CCAR2: variants seen among roughly 807,000 people sequenced by gnomAD.
The protein encoded by CCAR2 is cell cycle and apoptosis regulator protein 2.
Under a neutral mutation model 108.1 loss-of-function variants are expected in CCAR2, and 21 were observed. The ratio of observed to expected loss-of-function variants is 0.19; its 90% CI spans 0.14 to 0.28. The LOEUF is 0.28. Ranked by LOEUF, CCAR2 falls within the 10% of genes least tolerant of loss-of-function variation. The probability of loss-of-function intolerance (pLI) is 1.00; values close to 1 mark genes in which losing one functional copy is unlikely to be tolerated. For synonymous variants in CCAR2, 577 were observed against 472.8 expected, an observed-to-expected ratio of 1.22 and a Z score of -2.86; for missense variants, 1,126 against 1,177.0, an observed-to-expected ratio of 0.96 and a Z score of 0.63.
chr8:22,617,922 G>T, intron 16 of CCAR2, 144 bp downstream of exon 16: 1 of 798,012 alleles, frequency 1.3e-6, no homozygotes. Context: ...GCTCATGGAA[G>T]GGCACGTTCA....
chr8:22,605,929 TC>T, intron 2 of CCAR2, 98 bp downstream of exon 2: 1 of 1,363,406 alleles, frequency 7.3e-7, no homozygotes. Context: ...CTGCTGATGT[TC>T]CTCTGGAAAG....
chr8:22,610,114 C>G (rs1382109224), intron 7 of CCAR2, among the ~76,000 whole-genome samples: 1 of 152,146 alleles, frequency 6.6e-6, no homozygotes, highest in Admixed American at 6.5e-5. Context: ...ATAAGGGATA[C>G]TCAACCTATA....
rs200375043 is a variant in CCAR2, at chr8:22,618,510, C to T, written c.2220+15C>T. On this transcript the variant is annotated intron_variant, in intron 17 of 20. Coordinates refer to ENST00000308511, the MANE Select transcript of CCAR2 (RefSeq NM_001393997.1). ...GTGCAGAGCAGGTACCTTCTTTCCT[C>T]TGCCCCAGCACATGGGCACAGGCCT... 2.5e-6 allele frequency: 4 copies of T among 1,614,080 alleles called. No homozygotes were observed. The highest frequency in any genetic ancestry group is 2.5e-6 in the Non-Finnish European group (3 of 1,180,048).
intron 1 of CCAR2, chr8:22,605,241 C>CT: frequency 5.7e-6 from 1 of 176,522 alleles, no homozygotes; most frequent in Non-Finnish European, 1.2e-5. Flanking sequence ...AGGGCCCACA[C>CT]AGTCTCCTCG....
At chr8:22,615,083 T>C in intron 11 of CCAR2, 82 bp downstream of exon 11, 1 of 1,433,114 alleles carries the variant, frequency 7.0e-7, no homozygotes. Context: ...CCCTGCCCCT[T>C]TCTGCTGGTT....
chr8:22,619,512 G>A (rs1801671104), intron 20 of CCAR2, 126 bp from the exon 21 acceptor site: 2 of 1,412,338 alleles, frequency 1.4e-6, no homozygotes, highest in South Asian at 2.5e-5. Flanking sequence ...CTGGTTGCAG[G>A]TTCTCTGGGA....
chr8:22,620,305 C>G lies in CCAR2; in HGVS notation c.*623C>G, dbSNP rs925889132. Reference sequence around the variant, plus strand: ...AACCAGCACCTCTTTCCCGTGGCTCCTGTGTTCAGAATGTGGTATTGGCTC... The same window carrying G: ...AACCAGCACCTCTTTCCCGTGGCTCGTGTGTTCAGAATGTGGTATTGGCTC... On this transcript the variant is annotated 3_prime_UTR_variant, in exon 21 of 21. Coordinates refer to ENST00000308511, the MANE Select transcript of CCAR2 (RefSeq NM_001393997.1). The G allele has an allele frequency of 1.3e-5, 2 of 152,842 alleles. No homozygotes were observed. Among genetic ancestry groups the G allele is most frequent in the African/African-American group, 4.8e-5 (2 of 41,428 alleles). The allele number at this position is 152,842 out of a possible 1,614,324, so 9.5% of individuals were successfully genotyped here.
Position 22,606,066 on chromosome 8 carries a change from T to G in CCAR2, c.59-19T>G. ...GGTGGTAGGGGCGGTTCCTGGAGAT[T>G]GCTTCTCTTTCCCCATAGGCACAGC... On this transcript the variant is annotated intron_variant, in intron 2 of 20. Transcript: ENST00000308511. The G allele has an allele frequency of 3.1e-6, 5 of 1,605,118 alleles. No individual in the cohort carries two copies. The highest frequency in any genetic ancestry group is 4.3e-6 in the Non-Finnish European group (5 of 1,171,856).
chr8:22,605,619 T>C (rs866021785), intron 1 of CCAR2, 117 bp from the exon 2 acceptor site: 2 of 649,376 alleles, frequency 3.1e-6, no homozygotes, highest in African/African-American at 3.6e-5. Flanking sequence ...CTTTCATTCA[T>C]TCTTATTACC....
chr8:22,613,943 C>T (rs1801394288), intron 8 of CCAR2, 149 bp from the exon 9 acceptor site: 5 of 644,176 alleles, frequency 7.8e-6, no homozygotes, highest in Admixed American at 2.9e-5. Flanking sequence ...ATTAAGTGGT[C>T]AGATCTGATC....
chr8:22,614,018 TCAAA>T, intron 8 of CCAR2, 70 bp from the exon 9 acceptor site: 4 of 1,427,532 alleles, frequency 2.8e-6, no homozygotes, highest in Admixed American at 2.0e-5. Context: ...GCCCATTTTT[TCAAA>T]TCTTTGATGG....
intron 7 of CCAR2, among the ~76,000 whole-genome samples, chr8:22,609,303 T>C (rs1411442615): frequency 6.6e-6 from 1 of 152,168 alleles, no homozygotes; most frequent in Admixed American, 6.5e-5. Flanking sequence ...CTACAAAAAA[T>C]AAGTAAATAT....
At position 22,612,900 on chromosome 8, in the gene CCAR2, C is replaced by CTT. The variant is rs145282608; in HGVS notation, c.585-113_585-112dup. The CTT allele has an allele frequency of 2.3e-3, 2,576 of 1,139,260 alleles. 48 individuals are homozygous for CTT. In the African/African-American group the frequency reaches 0.036, roughly 16 times the overall value. The allele number at this position is 1,139,260 out of a possible 1,614,324, so 70.6% of individuals were successfully genotyped here. A position where few individuals can be genotyped will look rare whatever the true frequency, so the allele number is the denominator to read the frequency against. On this transcript the variant is annotated intron_variant, in intron 7 of 20. Transcript: ENST00000308511. ...TGTCATATGGCTGTTAGCATGGATT[C>CTT]TTTTTCCATTTATTGAATGTGAGGG...
Position 22,607,043 on chromosome 8 carries a change from C to G in CCAR2, c.357+19C>G. Reference sequence around the variant, plus strand: ...CAACCAGGTATTCATATCTCCTTAGCATGTGCATTGGAAAGGGAAGGGATG... The same window carrying G: ...CAACCAGGTATTCATATCTCCTTAGGATGTGCATTGGAAAGGGAAGGGATG... On this transcript the variant is annotated intron_variant, in intron 5 of 20. Transcript: ENST00000308511. 1 of 1,612,708 alleles carries G rather than the reference C, an allele frequency of 6.2e-7. No individual in the cohort carries two copies. Among genetic ancestry groups the G allele is most frequent in the South Asian group, 1.1e-5 (1 of 90,910 alleles).
rs758491531 is a variant in CCAR2 at position 22,612,944 on chromosome 8, T to G, written c.585-73T>G. On this transcript the variant is annotated intron_variant, in intron 7 of 20. Coordinates refer to ENST00000308511, the MANE Select transcript of CCAR2 (RefSeq NM_001393997.1). ...GTGAGGGATTTCGATTGTTTCCAGTTCTTTTAGTTCAGTTTGTATTGAATA... is the reference window on the plus strand; with the variant it reads ...GTGAGGGATTTCGATTGTTTCCAGTGCTTTTAGTTCAGTTTGTATTGAATA... The G allele has an allele frequency of 7.5e-6, 11 of 1,471,386 alleles. No individual in the cohort carries two copies. In the South Asian group the frequency reaches 1.2e-4, roughly 16 times the overall value. The allele number at this position is 1,471,386 out of a possible 1,614,324, so 91.1% of individuals were successfully genotyped here. A position where few individuals can be genotyped will look rare whatever the true frequency, so the allele number is the denominator to read the frequency against.
intron 10 of CCAR2, 81 bp from the exon 11 acceptor site, chr8:22,614,757 T>TGATGGGTGGCTGCCTTCATCC (rs757800431): frequency 1.1e-5 from 17 of 1,585,190 alleles, no homozygotes; most frequent in Middle Eastern, 1.7e-4. Flanking sequence ...GCCTTCATCC[T>TGATGGGTGGCTGCCTTCATCC]GATGGGTGGC....
intron 3 of CCAR2, 83 bp downstream of exon 3, chr8:22,606,259 T>C (rs905405637): frequency 4.8e-5 from 56 of 1,172,098 alleles, no homozygotes; most frequent in Admixed American, 1.5e-4. Context: ...TCTTACATAA[T>C]AGTGTTTATC....
At position 22,613,412 on chromosome 8, in the gene CCAR2, GATTT is replaced by G. The variant is rs1292197662; in HGVS notation, c.704+282_704+285del. On this transcript the variant is annotated intron_variant, in intron 8 of 20. Transcript: ENST00000308511. Reference sequence around the variant, plus strand: ...CAGTATTCATTGAATGGATGAACATGATTTATTTACCCAGTTCTCCATTTGCACT... The same window carrying G: ...CAGTATTCATTGAATGGATGAACATGATTTACCCAGTTCTCCATTTGCACT... Among the ~76,000 whole-genome samples, 8 of 140,576 alleles carry G rather than the reference GATTT, an allele frequency of 5.7e-5. No individual in the cohort carries two copies. In the South Asian group the frequency reaches 6.6e-4, roughly 12 times the overall value. The allele number at this position is 140,576 out of a possible 152,430, so 92.2% of individuals were successfully genotyped here.
chr8:22,612,945 C>G (rs780063176), intron 7 of CCAR2, 72 bp from the exon 8 acceptor site: 3 of 1,463,412 alleles, frequency 2.0e-6, no homozygotes, highest in Admixed American at 2.3e-5. Flanking sequence ...GTTTCCAGTT[C>G]TTTTAGTTCA....
Sources: allele counts gnomAD v4.1 joint callset (sites outside exome capture counted in the v4.1 genomes callset), GRCh38; gene constraint gnomAD v4.1.1; transcripts MANE v1.5; gene names NCBI Gene and HGNC (gene_info 2026-07-23, HGNC 2026-07-21).